Variants in FLYWCH1 observed in about 807,000 individuals in gnomAD.
FLYWCH1 encodes FLYWCH-type zinc finger-containing protein 1.
Under a neutral mutation model 66.4 loss-of-function variants are expected in FLYWCH1, and 75 were observed. The observed-to-expected ratio is 1.13, with a 90% CI of 0.94 to 1.37. The LOEUF is 1.37. FLYWCH1 is among the 40% of genes most tolerant of loss of function. The pLI is 0.00. For missense variants in FLYWCH1, 1,334 were observed against 1,001.8 expected, an observed-to-expected ratio of 1.33 and a Z score of -4.48; for synonymous variants, 595 against 429.9, an observed-to-expected ratio of 1.38 and a Z score of -4.75.
Position 2,938,376 on chromosome 16 carries a change from G to A in FLYWCH1, c.1970G>A (p.Cys657Tyr). 1 of 1,580,072 alleles carries A rather than the reference G, an allele frequency of 6.3e-7. No individual in the cohort carries two copies. The highest frequency in any genetic ancestry group is 8.6e-7 in the Non-Finnish European group (1 of 1,161,528). Reference sequence around the variant, plus strand: ...CGCATCATGGTCATGCGCAGCCACTGCCATCAGCCTGACCTGGCAGGCCTG... The same window carrying A: ...CGCATCATGGTCATGCGCAGCCACTACCATCAGCCTGACCTGGCAGGCCTG... Reference protein sequence around the residue: ...GHRIMVMRSHCHQPDLAGLEA... With the variant: ...GHRIMVMRSHYHQPDLAGLEA... Residue 657 changes from cysteine (C) to tyrosine (Y), a missense_variant, in exon 8 of 10, where the codon TGC becomes TAC. Coordinates refer to ENST00000253928, the MANE Select transcript of FLYWCH1 (RefSeq NM_001308068.2).
intron 8 of FLYWCH1, chr16:2,939,716 G>A (rs1024570541): frequency 6.3e-5 from 18 of 287,128 alleles, no homozygotes; most frequent in Admixed American, 5.0e-5. Context: ...AAATTTTTTT[G>A]AGAAAAGGAT....
intron 5 of FLYWCH1, 38 bp from the exon 6 acceptor site, chr16:2,933,678 C>T (rs758971204): frequency 6.3e-7 from 1 of 1,594,472 alleles, no homozygotes; most frequent in South Asian, 1.1e-5. Flanking sequence ...CTACCCAGCC[C>T]CTGTCCCCTC....
intron 4 of FLYWCH1, among the ~76,000 whole-genome samples, 184 bp from the exon 5 acceptor site, chr16:2,932,946 C>T (rs531769352): frequency 1.1e-4 from 16 of 151,806 alleles, no homozygotes; most frequent in Admixed American, 2.0e-4. Flanking sequence ...TCCTCCGGGT[C>T]GCTTGGTGGT....
rs757668317 is a variant in FLYWCH1 at position 2,930,846 on chromosome 16, C to G, written c.762C>G (p.Ser254Arg). 3.1e-6 allele frequency: 5 copies of G among 1,602,140 alleles called. No individual in the cohort carries two copies. In the East Asian group the frequency reaches 8.9e-5, roughly 29 times the overall value. The stretch of plus-strand genomic sequence containing the variant: ...CACCCCGAGCCCTGTCACTGCTGAG[C>G]CTGCCGCCCAAGAAGCGCTCGATCC... ...EEAPRALSLLSLPPKKRSILG... is the reference protein window; with the variant it reads ...EEAPRALSLLRLPPKKRSILG... Residue 254 changes from serine to arginine, a missense_variant, in exon 4 of 10, where the codon AGC becomes AGG. By Grantham distance (110) the Ser-to-Arg change is moderately radical. Coordinates refer to ENST00000253928, the MANE Select transcript of FLYWCH1 (RefSeq NM_001308068.2).
intron 4 of FLYWCH1, among the ~76,000 whole-genome samples, chr16:2,931,839 C>T (rs1056891682): frequency 3.3e-5 from 5 of 150,458 alleles, no homozygotes; most frequent in African/African-American, 7.4e-5. Context: ...CGAGGCTGGG[C>T]GCTTTGGCTC....
rs1027261844 is a variant in FLYWCH1 at position 2,937,243 on chromosome 16, A to G, written c.1636A>G (p.Met546Val). ...TTGGACCTGCCGGGACCAGGCCCGC[A>G]TGGGCTGCCGCAGCCGCGCCATCAC... ...VYWTCRDQAR[M>V]GCRSRAITQG... Residue 546 changes from methionine (M) to valine (V), a missense_variant, in exon 7 of 10, where the codon ATG becomes GTG. By Grantham distance (21) the Met-to-Val change is conservative. Transcript: ENST00000253928. 6.2e-7 allele frequency: 1 copy of G among 1,606,040 alleles called. No homozygotes were observed. The highest frequency in any genetic ancestry group is 1.1e-5 in the South Asian group (1 of 90,328).
chr16:2,934,170 C>T (rs1224845446), intron 6 of FLYWCH1, among the ~76,000 whole-genome samples, 191 bp downstream of exon 6: 1 of 152,168 alleles, frequency 6.6e-6, no homozygotes, highest in African/African-American at 2.4e-5. Context: ...TCTCACCTTC[C>T]TGCTCAGCCC....
intron 4 of FLYWCH1, among the ~76,000 whole-genome samples, chr16:2,932,082 C>T (rs12446181): frequency 0.52 from 72,784 of 141,122 alleles, 19,194 homozygotes; most frequent in Admixed American, 0.58. Context: ...CGTGCCACCG[C>T]ACTCCAGCCT....
intron 4 of FLYWCH1, among the ~76,000 whole-genome samples, chr16:2,931,278 G>A (rs1390427929): frequency 1.4e-5 from 2 of 139,992 alleles, no homozygotes; most frequent in African/African-American, 5.4e-5. Context: ...ATTCCAGCCT[G>A]GTGACTGGAG....
At chr16:2,913,410 G>T (rs193175442) in intron 1 of FLYWCH1, among the ~76,000 whole-genome samples, 1 of 152,142 alleles carries the variant, frequency 6.6e-6, no homozygotes, top group Admixed American at 6.6e-5. Context: ...GGGCTGGGGG[G>T]GTCTCATTGG....
Position 2,949,020 on chromosome 16 carries a change from C to T in FLYWCH1, c.*293C>T, listed in dbSNP as rs1272539496. On this transcript the variant is annotated 3_prime_UTR_variant, in exon 10 of 10. Transcript: ENST00000253928. ...CATGACAAAGCTGCCTGGACACGGA[C>T]GCCCCTGCTGTACGGCCACAGCACC... 2.2e-5 allele frequency: 10 copies of T among 450,300 alleles called. No homozygotes were observed. The highest frequency in any genetic ancestry group is 3.6e-5 in the Admixed American group (1 of 27,808). 27.9% of individuals were successfully genotyped at this position (450,300 alleles called of 1,614,324 possible).
intron 2 of FLYWCH1, among the ~76,000 whole-genome samples, chr16:2,927,199 C>G (rs1055501657): frequency 1.3e-5 from 2 of 152,086 alleles, no homozygotes; most frequent in African/African-American, 4.8e-5. Flanking sequence ...TGTCCTCAGC[C>G]GCCCACTATG....
intron 9 of FLYWCH1, 109 bp from the exon 10 acceptor site, chr16:2,948,579 G>C (rs552018281): frequency 8.7e-6 from 10 of 1,146,246 alleles, no homozygotes; most frequent in Non-Finnish European, 1.3e-5. Context: ...AAATGTTCTA[G>C]ACTGTGGCAT....
At position 2,933,960 on chromosome 16, in the gene FLYWCH1, G is replaced by A. The variant is rs762440017; in HGVS notation, c.1494G>A (p.Thr498=). 2.7e-5 allele frequency: 42 copies of A among 1,545,346 alleles called. No homozygotes were observed. Among genetic ancestry groups the A allele is most frequent in the African/African-American group, 4.1e-5 (3 of 73,218 alleles). Residue 498 remains threonine, a synonymous_variant, in exon 6 of 10, where the codon ACG becomes ACA. Transcript: ENST00000253928. The stretch of plus-strand genomic sequence containing the variant: ...GGCAGCGGGAGAAACGCCCCAACAC[G>A]GCGCAGCGGGGGAGCCCAGGTACCT... ...ALRQREKRPN[T]AQRGSPGGPE... is the part of the protein sequence containing the mutation.
intron 4 of FLYWCH1, among the ~76,000 whole-genome samples, chr16:2,932,129 A>AAAAT (rs2070783555): frequency 6.6e-6 from 1 of 150,960 alleles, no homozygotes; most frequent in East Asian, 1.9e-4. Flanking sequence ...AAAAAAAAAA[A>AAAAT]AAAAAATTAG....
chr16:2,912,532 C>T (rs2070025636), intron 1 of FLYWCH1, among the ~76,000 whole-genome samples: 1 of 152,232 alleles, frequency 6.6e-6, no homozygotes, highest in South Asian at 2.1e-4. Context: ...CCCGCTCCCG[C>T]TTCTGACCCT....
intron 2 of FLYWCH1, among the ~76,000 whole-genome samples, chr16:2,914,823 C>G (rs1325434691): frequency 2.0e-5 from 3 of 150,804 alleles, no homozygotes; most frequent in African/African-American, 7.3e-5. Flanking sequence ...TCGCTTGAAC[C>G]TGGTTCAAGG....
intron 6 of FLYWCH1, chr16:2,934,738 T>C (rs1567340452): frequency 4.4e-6 from 2 of 451,402 alleles, no homozygotes; most frequent in Non-Finnish European, 4.5e-6. Flanking sequence ...TTTTGTTCCA[T>C]CTCCAGAGAG....
In FLYWCH1 at chr16:2,936,971, G is replaced by C; in HGVS notation, c.1514-150G>C. The stretch of plus-strand genomic sequence containing the variant: ...AGCAGCTGGAGCCCCAGCAGAGTTG[G>C]GGGGATGGTGGCATCTGTGTCCTGG... On this transcript the variant is annotated intron_variant, in intron 6 of 9. Transcript: ENST00000253928. 3.7e-6 allele frequency: 3 copies of C among 805,556 alleles called. No homozygotes were observed. In the East Asian group the frequency reaches 1.3e-4, roughly 34 times the overall value. The allele number at this position is 805,556 out of a possible 1,614,324, so 49.9% of individuals were successfully genotyped here.
Sources: gnomAD v4.1 joint callset for allele counts (sites outside exome capture counted in the v4.1 genomes callset) on GRCh38, gnomAD v4.1.1 for gene constraint, MANE v1.5 for transcripts, NCBI Gene and HGNC (gene_info 2026-07-23, HGNC 2026-07-21) for gene names.